The following KALRN variants were observed in gnomAD, a reference collection of about 807,000 sequenced individuals.
KALRN encodes the protein kalirin RhoGEF kinase, also known as kalirin.
KALRN carries 70 observed loss-of-function variants against 353.7 expected under a neutral mutation model. The observed-to-expected ratio is 0.20, with a 90% confidence interval of 0.16 to 0.24. KALRN has a LOEUF of 0.24. KALRN is among the 10% of genes least tolerant of loss of function. The probability of loss-of-function intolerance (pLI) is 1.00; values close to 1 mark genes in which losing one functional copy is unlikely to be tolerated. For missense variants in KALRN, 2,791 were observed against 3,756.7 expected (o/e 0.74, Z 6.72); for synonymous variants, 1,391 against 1,434.8 (o/e 0.97, Z 0.69).
At chr3:124,533,645 T>C (rs2109200316) in intron 33 of KALRN, among the ~76,000 whole-genome samples, 1 of 152,222 alleles carries the variant, frequency 6.6e-6, no homozygotes, top group South Asian at 2.1e-4. Flanking sequence ...TGAGAGCCTG[T>C]GTCAAAAAAA....
intron 1 of KALRN, among the ~76,000 whole-genome samples, chr3:124,070,992 CTTTTTT>C (rs11351739): frequency 6.6e-6 from 1 of 151,638 alleles, no homozygotes; most frequent in Non-Finnish European, 1.5e-5. Context: ...CTTCCACTGT[CTTTTTT>C]TTTTGTGTGT....
At position 124,632,508 on chromosome 3, in the gene KALRN, C is replaced by A; in HGVS notation, c.5271C>A (p.His1757Gln). 1 of 1,614,222 alleles carries A rather than the reference C, an allele frequency of 6.2e-7. No individual in the cohort carries two copies. Among genetic ancestry groups the A allele is most frequent in the Non-Finnish European group, 8.5e-7 (1 of 1,180,044 alleles). ...LQAQPSLNSI[H>Q]SSPGPKRSTN... ...CCCAGCCCTCCCTGAACTCCATCCA[C>A]AGTTCCCCGGGTCCCAAGCGCTCCA... is the stretch of plus-strand genomic sequence containing the variant. The change falls in exon 35 of 60, where the codon CAC (histidine) becomes CAA (glutamine). Residue 1757 changes from histidine (H) to glutamine (Q), a missense_variant. Coordinates refer to ENST00000682506, the MANE Select transcript of KALRN (RefSeq NM_001388419.1).
intron 1 of KALRN, among the ~76,000 whole-genome samples, chr3:124,047,571 C>A (rs2040602822): frequency 6.7e-6 from 1 of 148,750 alleles, no homozygotes; most frequent in Non-Finnish European, 1.5e-5. Context: ...CTGTTCACTG[C>A]AAGCTCTGCC....
chr3:124,060,595 C>T (rs1181066924), intron 1 of KALRN, among the ~76,000 whole-genome samples: 1 of 152,164 alleles, frequency 6.6e-6, no homozygotes, highest in Non-Finnish European at 1.5e-5. Flanking sequence ...GAGCCCTGGC[C>T]AGGAGCAGAG....
chr3:124,289,010 T>A (rs773578071), intron 5 of KALRN, among the ~76,000 whole-genome samples: 1 of 152,204 alleles, frequency 6.6e-6, no homozygotes, highest in Non-Finnish European at 1.5e-5. Flanking sequence ...TAGAGAAAGA[T>A]TTATTTAGCT....
At chr3:124,223,642 C>G (rs763863358) in intron 1 of KALRN, among the ~76,000 whole-genome samples, 2 of 152,220 alleles carry the variant, frequency 1.3e-5, no homozygotes, top group African/African-American at 4.8e-5. Flanking sequence ...TGTTTCTTCA[C>G]TTGTTGAAAT....
chr3:124,041,556 G>T (rs1241169679), intron 1 of KALRN, among the ~76,000 whole-genome samples: 1 of 152,180 alleles, frequency 6.6e-6, no homozygotes, highest in African/African-American at 2.4e-5. Context: ...CAGGTCAGGG[G>T]ACCCCTTTTT....
chr3:124,064,639 C>G (rs973821243), intron 1 of KALRN, among the ~76,000 whole-genome samples: 13 of 152,052 alleles, frequency 8.5e-5, no homozygotes, highest in Admixed American at 8.5e-4. Flanking sequence ...AGAGGGTGCC[C>G]AAAGGCACCA....
chr3:124,552,068 T>G (rs573179685), intron 33 of KALRN, among the ~76,000 whole-genome samples: 10 of 152,354 alleles, frequency 6.6e-5, no homozygotes, highest in African/African-American at 2.4e-4. Flanking sequence ...GTCTATGAAA[T>G]AGTTTATAAA....
chr3:124,052,340 A>G (rs1017219766), intron 1 of KALRN, among the ~76,000 whole-genome samples: 6 of 152,146 alleles, frequency 3.9e-5, no homozygotes, highest in Admixed American at 1.3e-4. Flanking sequence ...TAAAAAGCCT[A>G]CACTTCCTCA....
chr3:124,051,099 A>G (rs1311626138), intron 1 of KALRN, among the ~76,000 whole-genome samples: 1 of 152,212 alleles, frequency 6.6e-6, no homozygotes, highest in Admixed American at 6.5e-5. Context: ...ATATACATGT[A>G]TATGCTTATG....
At chr3:124,681,838 G>A (rs777496120) in intron 51 of KALRN, among the ~76,000 whole-genome samples, 1 of 151,856 alleles carries the variant, frequency 6.6e-6, no homozygotes. Flanking sequence ...CCACATGGCC[G>A]AGGCTTGTAT....
At chr3:124,228,480 G>C (rs2078821154) in intron 2 of KALRN, among the ~76,000 whole-genome samples, 1 of 152,096 alleles carries the variant, frequency 6.6e-6, no homozygotes, top group Non-Finnish European at 1.5e-5. Context: ...CTCAAGTGAG[G>C]GTTCATGTTT....
chr3:124,113,726 T>C (rs1267217254), intron 1 of KALRN, among the ~76,000 whole-genome samples: 6 of 152,246 alleles, frequency 3.9e-5, no homozygotes, highest in African/African-American at 7.2e-5. Context: ...TGCTATCTCC[T>C]GCTGGCTCAG....
chr3:124,255,870 A>G (rs1410527450), intron 3 of KALRN, among the ~76,000 whole-genome samples: 1 of 152,244 alleles, frequency 6.6e-6, no homozygotes, highest in East Asian at 1.9e-4. Context: ...ACAAAGGCAT[A>G]GAGGCATGAG....
At chr3:124,356,101 C>T (rs1295559206) in intron 10 of KALRN, among the ~76,000 whole-genome samples, 2 of 151,934 alleles carry the variant, frequency 1.3e-5, no homozygotes, top group Admixed American at 6.6e-5. Context: ...TTTCTCCTTC[C>T]CTTTGTAGTC....
chr3:124,274,864 C>G (rs559432036), intron 5 of KALRN, among the ~76,000 whole-genome samples: 101 of 152,268 alleles, frequency 6.6e-4, no homozygotes, highest in Admixed American at 1.4e-3. Context: ...TTTTTAAATG[C>G]CTTCCTGCAT....
chr3:124,090,253 A>C (rs1240034565), intron 1 of KALRN, among the ~76,000 whole-genome samples: 1 of 152,186 alleles, frequency 6.6e-6, no homozygotes, highest in South Asian at 2.1e-4. Flanking sequence ...TTTAGAGCCC[A>C]GGGCAGTGAA....
At chr3:124,714,403 G>A (rs2150801163) in intron 58 of KALRN, among the ~76,000 whole-genome samples, 1 of 152,302 alleles carries the variant, frequency 6.6e-6, no homozygotes, top group African/African-American at 2.4e-5. Flanking sequence ...AAGGGAAGGT[G>A]CTGATATTGG....
Sources: allele counts gnomAD v4.1 joint callset (sites outside exome capture counted in the v4.1 genomes callset), GRCh38; gene constraint gnomAD v4.1.1; transcripts MANE v1.5; gene names NCBI Gene and HGNC (gene_info 2026-07-23, HGNC 2026-07-21).